Variants in EXOC4 observed in about 807,000 individuals in gnomAD.
EXOC4 encodes SEC8-like 1.
In EXOC4, 71 loss-of-function variants were observed where a neutral mutation model predicts 107.2. The ratio of observed to expected loss-of-function variants is 0.66; its 90% confidence interval spans 0.55 to 0.81. The LOEUF (loss-of-function observed/expected upper bound fraction) is 0.81. EXOC4 is among the 30% of genes least tolerant of loss of function. EXOC4 has a pLI of 0.00. For missense variants in EXOC4, 1,108 were observed against 1,189.6 expected (o/e 0.93, Z 1.01); for synonymous variants, 456 against 441.2 (o/e 1.03, Z -0.42).
chr7:133,664,590 A>G (rs189710130), intron 10 of EXOC4, among the ~76,000 whole-genome samples: 6 of 152,236 alleles, frequency 3.9e-5, no homozygotes, highest in Non-Finnish European at 8.8e-5. Context: ...ACCATCTCCA[A>G]TTCTTTAGAA....
At chr7:133,456,951 A>G (rs1030859478) in intron 7 of EXOC4, among the ~76,000 whole-genome samples, 3 of 152,218 alleles carry the variant, frequency 2.0e-5, no homozygotes, top group Non-Finnish European at 4.4e-5. Flanking sequence ...ATGTAGTTCA[A>G]TGGAATGGAA....
At chr7:133,912,787 C>T (rs942517864) in intron 12 of EXOC4, among the ~76,000 whole-genome samples, 1 of 152,094 alleles carries the variant, frequency 6.6e-6, no homozygotes. Flanking sequence ...TTAAAATAGA[C>T]GTTGGCAAAC....
In EXOC4 at chr7:133,777,718, C is replaced by T. The variant is rs144745121; in HGVS notation, c.1515-39607C>T. 1.4e-4 allele frequency among the ~76,000 whole-genome samples: 21 copies of T among 152,262 alleles called. No individual in the cohort carries two copies. In the East Asian group the frequency reaches 3.9e-3, roughly 28 times the overall value. The stretch of plus-strand genomic sequence containing the variant: ...ATTAGCTTTGTGACCTTGAGCAAGT[C>T]GCTAAACCTCTCTGTACTTTGGTTT... On this transcript the variant is annotated intron_variant, in intron 10 of 17. Transcript: ENST00000253861.
At chr7:133,604,666 T>C (rs1370895404) in intron 9 of EXOC4, among the ~76,000 whole-genome samples, 2 of 150,982 alleles carry the variant, frequency 1.3e-5, no homozygotes, top group African/African-American at 2.4e-5. Flanking sequence ...TGCTTTAACT[T>C]ATAGCACTGA....
intron 5 of EXOC4, among the ~76,000 whole-genome samples, chr7:133,344,286 C>T (rs1173342252): frequency 6.6e-6 from 1 of 152,144 alleles, no homozygotes; most frequent in East Asian, 1.9e-4. Context: ...ATGTTGCCTT[C>T]TAGTTTTCTT....
intron 17 of EXOC4, among the ~76,000 whole-genome samples, chr7:134,015,433 T>C (rs766104448): frequency 9.9e-5 from 15 of 152,200 alleles, no homozygotes; most frequent in Non-Finnish European, 1.6e-4. Context: ...ATTTGGACTT[T>C]GTCCTGTACG....
At chr7:133,794,494 C>T (rs1482741840) in intron 10 of EXOC4, among the ~76,000 whole-genome samples, 3 of 152,130 alleles carry the variant, frequency 2.0e-5, no homozygotes, top group East Asian at 1.9e-4. Context: ...TCAGCATTTG[C>T]GAAATCTCAA....
chr7:133,338,897 C>T (rs1795593814), intron 5 of EXOC4, among the ~76,000 whole-genome samples: 1 of 151,788 alleles, frequency 6.6e-6, no homozygotes, highest in Non-Finnish European at 1.5e-5. Context: ...GGATCACAGG[C>T]ATGCACCACC....
At chr7:133,901,585 C>G (rs763415442) in intron 12 of EXOC4, among the ~76,000 whole-genome samples, 6 of 152,172 alleles carry the variant, frequency 3.9e-5, no homozygotes, top group Non-Finnish European at 8.8e-5. Flanking sequence ...TAGTCCTTTC[C>G]TCAAAGCGTT....
chr7:133,293,379 C>G (rs1794449291), intron 3 of EXOC4, among the ~76,000 whole-genome samples: 1 of 152,176 alleles, frequency 6.6e-6, no homozygotes, highest in Non-Finnish European at 1.5e-5. Context: ...TCTAAGGCAT[C>G]TCAAGGGTCC....
intron 10 of EXOC4, among the ~76,000 whole-genome samples, chr7:133,639,815 A>G (rs757686008): frequency 6.6e-6 from 1 of 152,114 alleles, no homozygotes; most frequent in Non-Finnish European, 1.5e-5. Context: ...TTTAAACTCG[A>G]TGAGCATTCT....
chr7:133,794,312 G>C (rs1027035118), intron 10 of EXOC4, among the ~76,000 whole-genome samples: 8 of 152,078 alleles, frequency 5.3e-5, no homozygotes, highest in Admixed American at 6.6e-5. Context: ...TTACGGTCTA[G>C]ATGAGTCATA....
At chr7:133,808,151 T>A (rs1201360474) in intron 10 of EXOC4, among the ~76,000 whole-genome samples, 1 of 152,204 alleles carries the variant, frequency 6.6e-6, no homozygotes, top group East Asian at 1.9e-4. Flanking sequence ...TCTGCAGTGA[T>A]GAGCTTATTT....
intron 11 of EXOC4, among the ~76,000 whole-genome samples, chr7:133,839,383 A>G (rs766372528): frequency 2.0e-5 from 3 of 152,240 alleles, no homozygotes; most frequent in Non-Finnish European, 2.9e-5. Context: ...ATGTTTTTTA[A>G]TAAGTTAACA....
chr7:133,838,202 C>G (rs1285757987), intron 11 of EXOC4, among the ~76,000 whole-genome samples: 1 of 152,112 alleles, frequency 6.6e-6, no homozygotes, highest in Non-Finnish European at 1.5e-5. Context: ...CTTATTTACT[C>G]GTTGTTTTTG....
chr7:133,960,681 T>G (rs1240535005), intron 14 of EXOC4, among the ~76,000 whole-genome samples: 1 of 152,202 alleles, frequency 6.6e-6, no homozygotes, highest in African/African-American at 2.4e-5. Context: ...CACTTGATCA[T>G]GGCGGGTTAT....
rs567390244 is a variant in EXOC4, at chr7:133,864,347, G to GGTA, written c.1735-31250_1735-31248dup. Among the ~76,000 whole-genome samples the GGTA allele has an allele frequency of 1.5e-4, 23 of 152,236 alleles. No individual in the cohort carries two copies. The South Asian group carries it at 3.3e-3, about 22-fold the overall frequency. On this transcript the variant is annotated intron_variant, in intron 11 of 17. Coordinates refer to ENST00000253861, the MANE Select transcript of EXOC4 (RefSeq NM_021807.4). ...AGTTAATATAGCACAGCTAGCAAGT[G>GGTA]GTAGCCCAGGATCTAATATCCAGAT... is the stretch of plus-strand genomic sequence containing the variant.
intron 13 of EXOC4, among the ~76,000 whole-genome samples, chr7:133,927,894 A>G (rs942466082): frequency 1.3e-5 from 2 of 152,166 alleles, no homozygotes; most frequent in African/African-American, 4.8e-5. Flanking sequence ...AATGTTCAAG[A>G]TGATTGAATT....
At chr7:133,461,974 A>G (rs887701176) in intron 7 of EXOC4, among the ~76,000 whole-genome samples, 1 of 152,206 alleles carries the variant, frequency 6.6e-6, no homozygotes, top group African/African-American at 2.4e-5. Context: ...GACAGTCGAG[A>G]TAGATGGTAA....
Sources: allele counts gnomAD v4.1 joint callset (sites outside exome capture counted in the v4.1 genomes callset), GRCh38; gene constraint gnomAD v4.1.1; transcripts MANE v1.5; gene names NCBI Gene and HGNC (gene_info 2026-07-23, HGNC 2026-07-21).